PLCB4: variants seen among roughly 807,000 people sequenced by gnomAD.
PLCB4 encodes the protein 1-phosphatidylinositol 4,5-bisphosphate phosphodiesterase beta-4.
In PLCB4, 77 loss-of-function variants were observed where a neutral mutation model predicts 178.8. The observed-to-expected ratio is 0.43, with a 90% CI of 0.36 to 0.52. The LOEUF is 0.52. PLCB4 is among the 20% of genes least tolerant of loss of function. The probability of loss-of-function intolerance (pLI) is 0.00; values close to 1 mark genes in which losing one functional copy is unlikely to be tolerated. For synonymous variants in PLCB4, 496 were observed against 490.8 expected (o/e 1.01, Z -0.14); for missense variants, 1,024 against 1,453.4 (o/e 0.70, Z 4.80).
intron 11 of PLCB4, 75 bp downstream of exon 11, chr20:9,372,478 C>A (rs376400182): frequency 1.4e-6 from 1 of 716,306 alleles, no homozygotes. Context: ...CGTTTTTGTC[C>A]TATTTTAATA....
chr20:9,162,349 T>C (rs1199619400), intron 2 of PLCB4, among the ~76,000 whole-genome samples: 2 of 152,122 alleles, frequency 1.3e-5, no homozygotes, highest in African/African-American at 4.8e-5. Context: ...ATGTGGCGAT[T>C]TGTGTATGTT....
chr20:9,313,645 T>C (rs554157678), intron 4 of PLCB4, among the ~76,000 whole-genome samples: 1 of 152,294 alleles, frequency 6.6e-6, no homozygotes, highest in East Asian at 1.9e-4. Flanking sequence ...TTGCCATGAG[T>C]CCTGTTTTCT....
chr20:9,189,744 G>A (rs1472029140), intron 2 of PLCB4, among the ~76,000 whole-genome samples: 1 of 152,178 alleles, frequency 6.6e-6, no homozygotes, highest in Non-Finnish European at 1.5e-5. Context: ...GCTTCATGAT[G>A]ATGCCTTGTT....
intron 17 of PLCB4, 150 bp from the exon 18 acceptor site, chr20:9,393,438 T>C (rs2038315462): frequency 8.5e-6 from 5 of 588,012 alleles, no homozygotes; most frequent in Middle Eastern, 7.7e-4. Flanking sequence ...CTAATTTGGG[T>C]TGGGGAGTGA....
intron 2 of PLCB4, among the ~76,000 whole-genome samples, chr20:9,132,491 A>G (rs2092295066): frequency 6.6e-6 from 1 of 152,196 alleles, no homozygotes; most frequent in Admixed American, 6.5e-5. Flanking sequence ...CCTACAACCT[A>G]GAGTCCAACT....
chr20:9,451,905 C>A (rs745523112), intron 32 of PLCB4, among the ~76,000 whole-genome samples: 4 of 152,208 alleles, frequency 2.6e-5, no homozygotes, highest in Non-Finnish European at 4.4e-5. Context: ...TAACCCAGTG[C>A]CACATTGCAG....
intron 7 of PLCB4, among the ~76,000 whole-genome samples, chr20:9,341,264 A>G (rs531078446): frequency 6.6e-6 from 1 of 152,218 alleles, no homozygotes; most frequent in South Asian, 2.1e-4. Flanking sequence ...TGGCCCTTGA[A>G]CAATGTGGGG....
chr20:9,307,537 ACACACACAC>A (rs993426611), intron 3 of PLCB4, among the ~76,000 whole-genome samples: 1 of 132,406 alleles, frequency 7.6e-6, no homozygotes, highest in African/African-American at 2.6e-5. Context: ...ACACACACAC[ACACACACAC>A]ATCTTGTTAT....
At chr20:9,386,245 C>G (rs73600230) in intron 14 of PLCB4, among the ~76,000 whole-genome samples, 1 of 138,262 alleles carries the variant, frequency 7.2e-6, no homozygotes, top group Non-Finnish European at 1.5e-5. Context: ...GGAGGGAGAC[C>G]GAAGAAAGGA....
intron 2 of PLCB4, among the ~76,000 whole-genome samples, chr20:9,151,372 T>G (rs2092687466): frequency 6.6e-6 from 1 of 152,132 alleles, no homozygotes; most frequent in African/African-American, 2.4e-5. Context: ...TTTGGCTATG[T>G]CCCCATCCAA....
chr20:9,401,622 G>T lies in PLCB4; in HGVS notation c.1611+32G>T, dbSNP rs2039032310. On this transcript the variant is annotated intron_variant, in intron 20 of 39. Transcript: ENST00000378473. ...GTCCCCTTTCTTTCATCACTCTCAA[G>T]AGGTAGCAGCTGTTATTTATGAAAT... is the stretch of plus-strand genomic sequence containing the variant. 4 of 1,393,700 alleles carry T rather than the reference G, an allele frequency of 2.9e-6. No individual in the cohort carries two copies. In the East Asian group the frequency reaches 9.1e-5, roughly 32 times the overall value. The allele number at this position is 1,393,700 out of a possible 1,614,324, so 86.3% of individuals were successfully genotyped here.
intron 3 of PLCB4, among the ~76,000 whole-genome samples, chr20:9,297,125 T>C (rs1317755885): frequency 6.6e-6 from 1 of 152,050 alleles, no homozygotes; most frequent in Non-Finnish European, 1.5e-5. Context: ...AGTTAGATTA[T>C]ATATTCCTTT....
chr20:9,203,792 T>G (rs1449019569), intron 2 of PLCB4, among the ~76,000 whole-genome samples: 5 of 143,454 alleles, frequency 3.5e-5, no homozygotes, highest in East Asian at 1.9e-4. Flanking sequence ...TTTTTTTTTT[T>G]TTTTTTTTTT....
At chr20:9,343,984 A>G (rs77092259) in intron 7 of PLCB4, among the ~76,000 whole-genome samples, 9,723 of 152,268 alleles carry the variant, frequency 0.064, 752 homozygotes, top group East Asian at 0.18. Flanking sequence ...TTGTGCCCCA[A>G]GAGGTATCTA....
intron 3 of PLCB4, among the ~76,000 whole-genome samples, chr20:9,218,295 C>T (rs562689639): frequency 6.1e-4 from 93 of 152,210 alleles, no homozygotes; most frequent in Middle Eastern, 6.8e-3. Flanking sequence ...TTAGCAGAGA[C>T]GGAGTTTCAC....
Position 9,430,266 on chromosome 20 carries a change from TC to T in PLCB4, c.2525-5292del. On this transcript the variant is annotated intron_variant, in intron 28 of 39. Coordinates refer to ENST00000378473, the MANE Select transcript of PLCB4 (RefSeq NM_001377142.1). Reference sequence around the variant, plus strand: ...ATATGAAATTGCTAGGAATGAAGCATCCATTTCAAATAGCCTGCTAACTTTA... The same window carrying T: ...ATATGAAATTGCTAGGAATGAAGCATCATTTCAAATAGCCTGCTAACTTTA... 2.0e-5 allele frequency among the ~76,000 whole-genome samples: 3 copies of T among 152,330 alleles called. 1 individual carries two copies. The Middle Eastern group carries it at 0.01, about 518-fold the overall frequency.
At chr20:9,369,807 C>T (rs549158077) in intron 9 of PLCB4, among the ~76,000 whole-genome samples, 9 of 152,320 alleles carry the variant, frequency 5.9e-5, no homozygotes, top group African/African-American at 2.2e-4. Context: ...TTGCCTTCTA[C>T]TTAGCACGGA....
intron 4 of PLCB4, among the ~76,000 whole-genome samples, chr20:9,324,516 T>C (rs1209759829): frequency 1.3e-5 from 2 of 152,122 alleles, no homozygotes; most frequent in Admixed American, 1.3e-4. Flanking sequence ...ATATGAAAAA[T>C]ACAATCTTCC....
intron 2 of PLCB4, among the ~76,000 whole-genome samples, chr20:9,209,963 C>CAAAAAAAAAAA (rs58424232): frequency 4.2e-5 from 2 of 47,944 alleles, no homozygotes; most frequent in African/African-American, 7.7e-5. Context: ...GACTCTGTCT[C>CAAAAAAAAAAA]AAAAAAAAAA....
Sources: allele counts gnomAD v4.1 joint callset (sites outside exome capture counted in the v4.1 genomes callset), GRCh38; gene constraint gnomAD v4.1.1; transcripts MANE v1.5; gene names NCBI Gene and HGNC (gene_info 2026-07-23, HGNC 2026-07-21).